LNX2: variants seen among roughly 807,000 people sequenced by gnomAD.
LNX2 encodes ligand of numb-protein X 2.
In LNX2, 35 loss-of-function variants were observed where a neutral mutation model predicts 66.2. The ratio of observed to expected loss-of-function variants is 0.53; its 90% CI spans 0.40 to 0.70. The LOEUF is 0.70. Among genes scored for constraint, LNX2 ranks in the 30% least tolerant of loss-of-function variants. The pLI, the probability that LNX2 is intolerant of heterozygous loss-of-function variation, is 0.00. For missense variants in LNX2, 791 were observed against 850.8 expected, an observed-to-expected ratio of 0.93 and a Z score of 0.87; for synonymous variants, 337 against 315.6, an observed-to-expected ratio of 1.07 and a Z score of -0.72.
intron 2 of LNX2, among the ~76,000 whole-genome samples, chr13:27,572,822 T>C (rs1955299229): frequency 6.6e-6 from 1 of 152,084 alleles, no homozygotes; most frequent in South Asian, 2.1e-4. Flanking sequence ...AATAAAACAA[T>C]GCATACTAAC....
chr13:27,553,903 G>A (rs1225100400), intron 7 of LNX2, among the ~76,000 whole-genome samples: 1 of 152,066 alleles, frequency 6.6e-6, no homozygotes, highest in African/African-American at 2.4e-5. Flanking sequence ...GTTTATTCAG[G>A]GCAAACATCA....
chr13:27,568,244 T>C (rs1042137342), intron 3 of LNX2, among the ~76,000 whole-genome samples: 1 of 152,184 alleles, frequency 6.6e-6, no homozygotes, highest in Non-Finnish European at 1.5e-5. Flanking sequence ...AGTAGCCACA[T>C]CAAGCTCGTA....
chr13:27,595,886 T>TA (rs1388158413), intron 1 of LNX2, among the ~76,000 whole-genome samples: 3 of 152,174 alleles, frequency 2.0e-5, no homozygotes, highest in African/African-American at 7.2e-5. Context: ...ACAACATACT[T>TA]AGAGCTGTTG....
chr13:27,609,672 A>G (rs74040822), intron 1 of LNX2, among the ~76,000 whole-genome samples: 123 of 152,294 alleles, frequency 8.1e-4, no homozygotes, highest in African/African-American at 2.8e-3. Flanking sequence ...TACAACATAA[A>G]TTAGTTGAAA....
chr13:27,578,429 C>T (rs551484163), intron 2 of LNX2, among the ~76,000 whole-genome samples: 3 of 152,188 alleles, frequency 2.0e-5, no homozygotes, highest in South Asian at 2.1e-4. Context: ...TCATATTCTG[C>T]GCCGCATAAC....
chr13:27,588,047 A>AAAAAAAAAAAAAAAC, intron 1 of LNX2, among the ~76,000 whole-genome samples: 1 of 134,132 alleles, frequency 7.5e-6, no homozygotes. Context: ...AAAAAAAAAA[A>AAAAAAAAAAAAAAAC]AAAGCAGTGC....
chr13:27,619,184 A>C (rs1049059125), intron 1 of LNX2, among the ~76,000 whole-genome samples: 2 of 151,140 alleles, frequency 1.3e-5, no homozygotes, highest in Non-Finnish European at 3.0e-5. Context: ...GCCTACTTTT[A>C]CCCCATGGGA....
At chr13:27,597,793 G>A (rs117231445) in intron 1 of LNX2, among the ~76,000 whole-genome samples, 10 of 152,154 alleles carry the variant, frequency 6.6e-5, no homozygotes, top group Admixed American at 2.0e-4. Context: ...GAAGAAAAGC[G>A]GGTAAGAAAA....
chr13:27,604,395 A>G (rs1409046606), intron 1 of LNX2, among the ~76,000 whole-genome samples: 1 of 152,260 alleles, frequency 6.6e-6, no homozygotes, highest in Non-Finnish European at 1.5e-5. Context: ...TATTGAGCAC[A>G]CTATGGGTGA....
chr13:27,581,419 C>T lies in LNX2; in HGVS notation c.285G>A (p.Leu95=). The T allele has an allele frequency of 1.9e-6, 3 of 1,608,204 alleles. No individual in the cohort carries two copies. The highest frequency in any genetic ancestry group is 2.2e-5 in the East Asian group (1 of 44,716). ...GAACTAGAATACTAGACTTCTTGCA[C>T]AACTTAAAATGAAGTCTTTTCCGGT... is the stretch of plus-strand genomic sequence containing the variant. ...PLDRKRLHFK[L]CKKSSILVHK... is the part of the protein sequence containing the mutation. The change falls in exon 2 of 10, where the codon TTG becomes TTA. Residue 95 remains leucine (L), a synonymous_variant. Coordinates refer to ENST00000316334, the MANE Select transcript of LNX2 (RefSeq NM_153371.4).
rs151233450 is a variant in LNX2 at position 27,562,609 on chromosome 13, T to C, written c.1028A>G (p.His343Arg). 114 of 1,614,074 alleles carry C rather than the reference T, an allele frequency of 7.1e-5. No homozygotes were observed. The highest frequency in any genetic ancestry group is 8.6e-5 in the Non-Finnish European group (101 of 1,180,034). Residue 343 changes from histidine to arginine, a missense_variant, in exon 5 of 10, where the codon CAT (histidine) becomes CGT (arginine). Transcript: ENST00000316334. ...AAGCTGTTCACCAGAGTCCCGTTTA[T>C]GAAGAGCCACTTGGAAAATCTCTTC... ...PREEIFQVAL[H>R]KRDSGEQLGI...
At chr13:27,551,471 A>C (rs1414350838) in intron 8 of LNX2, among the ~76,000 whole-genome samples, 2 of 152,038 alleles carry the variant, frequency 1.3e-5, no homozygotes, top group African/African-American at 2.4e-5. Context: ...TCTTAAAAAC[A>C]AAACAAACAA....
chr13:27,556,277 G>A lies in LNX2; in HGVS notation c.1505C>T (p.Pro502Leu). 3.1e-6 allele frequency: 5 copies of A among 1,613,980 alleles called. No individual in the cohort carries two copies. Among genetic ancestry groups the A allele is most frequent in the Admixed American group, 3.3e-5 (2 of 59,998 alleles). Residue 502 changes from proline (P) to leucine (L), a missense_variant, in exon 7 of 10, where the codon CCA becomes CTA. Pro to Leu is a moderately conservative substitution (Grantham distance 98). Transcript: ENST00000316334. ...GELPIFVTSVPPHGCLARDGR... is the reference protein window; with the variant it reads ...GELPIFVTSVLPHGCLARDGR... Reference sequence around the variant, plus strand: ...ATCTCGTGCAAGGCAGCCATGGGGTGGCACACTGGTCACAAAGATGGGCAG... The same window carrying A: ...ATCTCGTGCAAGGCAGCCATGGGGTAGCACACTGGTCACAAAGATGGGCAG...
intron 1 of LNX2, among the ~76,000 whole-genome samples, chr13:27,607,632 C>T (rs539143292): frequency 2.0e-5 from 3 of 152,286 alleles, no homozygotes; most frequent in South Asian, 2.1e-4. Flanking sequence ...CAGGTACAAA[C>T]TCAAGTTTGT....
At chr13:27,603,615 C>T (rs1332314524) in intron 1 of LNX2, among the ~76,000 whole-genome samples, 2 of 152,150 alleles carry the variant, frequency 1.3e-5, no homozygotes, top group Non-Finnish European at 2.9e-5. Context: ...TTAGGGAAGC[C>T]ACTAGCGGTG....
chr13:27,614,919 A>G (rs1008712121), intron 1 of LNX2, among the ~76,000 whole-genome samples: 1 of 152,198 alleles, frequency 6.6e-6, no homozygotes, highest in African/African-American at 2.4e-5. Context: ...GAGAGGAAAT[A>G]AAAACACACT....
intron 1 of LNX2, among the ~76,000 whole-genome samples, chr13:27,582,692 G>A (rs1274086342): frequency 1.3e-5 from 2 of 152,074 alleles, no homozygotes; most frequent in African/African-American, 4.8e-5. Context: ...GTTGAACAAT[G>A]AGAAGAAATG....
At chr13:27,568,093 C>G (rs1429809326) in intron 3 of LNX2, among the ~76,000 whole-genome samples, 1 of 152,148 alleles carries the variant, frequency 6.6e-6, no homozygotes, top group East Asian at 1.9e-4. Context: ...ACACAGTGAT[C>G]TGATTAAGAA....
At chr13:27,569,742 C>G (rs963922779) in intron 2 of LNX2, among the ~76,000 whole-genome samples, 2 of 152,114 alleles carry the variant, frequency 1.3e-5, no homozygotes, top group Admixed American at 6.5e-5. Flanking sequence ...ACACACGACA[C>G]GCTCATTAAT....
Sources: allele counts gnomAD v4.1 joint callset (sites outside exome capture counted in the v4.1 genomes callset), GRCh38; gene constraint gnomAD v4.1.1; transcripts MANE v1.5; gene names NCBI Gene and HGNC (gene_info 2026-07-23, HGNC 2026-07-21).